Variants in PCDHGB2 observed in about 807,000 individuals in gnomAD.
PCDHGB2 encodes the protein protocadherin gamma-B2.
In PCDHGB2, 55 loss-of-function variants were observed where a neutral mutation model predicts 59.3. The observed-to-expected ratio is 0.93, with a 90% confidence interval of 0.75 to 1.16. The LOEUF (loss-of-function observed/expected upper bound fraction) is 1.16, where lower values mean the gene tolerates loss of function less well. PCDHGB2 is among the 50% of genes most tolerant of loss of function. PCDHGB2 has a pLI of 0.00. For missense variants in PCDHGB2, 1,228 were observed against 1,198.5 expected, an observed-to-expected ratio of 1.02 and a Z score of -0.36; for synonymous variants, 516 against 512.0, an observed-to-expected ratio of 1.01 and a Z score of -0.11.
At chr5:141,409,870 T>A (rs980871481) in intron 1 of PCDHGB2, 2 of 1,612,670 alleles carry the variant, frequency 1.2e-6, no homozygotes, top group Admixed American at 1.7e-5. Context: ...GAGACCGCAA[T>A]GACAACGCAC....
chr5:141,428,055 G>C (rs1232516220), intron 1 of PCDHGB2: 8 of 1,608,952 alleles, frequency 5.0e-6, no homozygotes, highest in African/African-American at 1.3e-5. Context: ...CAAGGTGGTG[G>C]CGGTGGACGC....
chr5:141,423,513 G>C, intron 1 of PCDHGB2: 3 of 1,613,750 alleles, frequency 1.9e-6, no homozygotes, highest in Non-Finnish European at 1.7e-6. Flanking sequence ...CTCTCATTGC[G>C]GACTCGCAGA....
chr5:141,443,307 C>A (rs1447607301), intron 1 of PCDHGB2, among the ~76,000 whole-genome samples: 1 of 136,584 alleles, frequency 7.3e-6, no homozygotes, highest in Non-Finnish European at 1.5e-5. Flanking sequence ...ATGGCAAAAA[C>A]CCATCTCTAC....
intron 1 of PCDHGB2, among the ~76,000 whole-genome samples, chr5:141,463,179 A>G (rs1261927835): frequency 6.6e-6 from 1 of 152,082 alleles, no homozygotes; most frequent in Non-Finnish European, 1.5e-5. Context: ...GTATGCTCAG[A>G]TTATTATTTA....
chr5:141,432,763 C>T lies in PCDHGB2; in HGVS notation c.2422-62044C>T. The T allele has an allele frequency of 6.2e-7, 1 of 1,614,152 alleles. No homozygotes were observed. The highest frequency in any genetic ancestry group is 8.5e-7 in the Non-Finnish European group (1 of 1,180,004). ...TCACCGTGGCCGTGGCCGACAGCAT[C>T]CCCCAAGTCCTGGCGGACCTCGGCA... On this transcript the variant is annotated intron_variant, in intron 1 of 3. Transcript: ENST00000522605. This position sits in a 1 kb window ranked among gnomAD's most constrained non-coding sequence, Gnocchi z 6.0.
chr5:141,376,975 C>T (rs1216034593), intron 1 of PCDHGB2: 1 of 157,554 alleles, frequency 6.3e-6, no homozygotes, highest in African/African-American at 2.4e-5. Flanking sequence ...GCGTGAGCCA[C>T]CGCGCCCGGC....
chr5:141,383,575 G>A (rs1229661535), intron 1 of PCDHGB2: 17 of 1,613,114 alleles, frequency 1.1e-5, no homozygotes, highest in Non-Finnish European at 1.4e-5. Context: ...ATCCAGCACC[G>A]CCCACATCCA....
chr5:141,405,744 C>T (rs2094711384), intron 1 of PCDHGB2, among the ~76,000 whole-genome samples: 1 of 152,192 alleles, frequency 6.6e-6, no homozygotes, highest in African/African-American at 2.4e-5. Flanking sequence ...TCCCAAAGCA[C>T]TGGGATTACA....
chr5:141,412,940 T>C, intron 1 of PCDHGB2: 1 of 463,218 alleles, frequency 2.2e-6, no homozygotes, highest in Non-Finnish European at 3.8e-6. Flanking sequence ...CTTAGGACTC[T>C]GAGCGCCGCT....
chr5:141,390,665 T>C, intron 1 of PCDHGB2: 1 of 192,900 alleles, frequency 5.2e-6, no homozygotes, highest in Non-Finnish European at 1.1e-5. Context: ...ACCATAAATA[T>C]AAAAATAATA....
chr5:141,388,662 A>G, intron 1 of PCDHGB2: 1 of 1,613,954 alleles, frequency 6.2e-7, no homozygotes, highest in African/African-American at 1.3e-5. Flanking sequence ...CCCGGGGACC[A>G]CGGTGCTACA....
intron 1 of PCDHGB2, among the ~76,000 whole-genome samples, chr5:141,452,019 C>T (rs1227308101): frequency 3.3e-5 from 5 of 152,194 alleles, no homozygotes; most frequent in African/African-American, 1.2e-4. Flanking sequence ...AGCCCACACT[C>T]TGGGGAGATG....
At chr5:141,410,746 C>T in intron 1 of PCDHGB2, 1 of 1,269,920 alleles carries the variant, frequency 7.9e-7, no homozygotes, top group Non-Finnish European at 1.1e-6. Flanking sequence ...ACAATATTTT[C>T]TCAATGTTTT....
chr5:141,375,676 G>A, intron 1 of PCDHGB2: 1 of 1,614,220 alleles, frequency 6.2e-7, no homozygotes, highest in Middle Eastern at 1.6e-4. Flanking sequence ...TACAGCTGTG[G>A]GTGACAGCCA....
intron 1 of PCDHGB2, chr5:141,384,987 G>C (rs775895766): frequency 6.2e-7 from 1 of 1,614,114 alleles, no homozygotes; most frequent in African/African-American, 1.3e-5. Context: ...TGGTGGTGGC[G>C]GTGGCCACAG....
At chr5:141,418,830 G>T (rs371820904) in intron 1 of PCDHGB2, 44 of 1,613,858 alleles carry the variant, frequency 2.7e-5, no homozygotes, top group Non-Finnish European at 3.6e-5. Flanking sequence ...GCAAAAGACC[G>T]AGGATCTCTC....
At chr5:141,371,323 A>C in intron 1 of PCDHGB2, 5 of 1,614,012 alleles carry the variant, frequency 3.1e-6, no homozygotes, top group Non-Finnish European at 4.2e-6. Flanking sequence ...CTGGACTTTG[A>C]AGAGAGAGAT....
At chr5:141,463,532 T>G (rs1237301892) in intron 1 of PCDHGB2, among the ~76,000 whole-genome samples, 1 of 133,692 alleles carries the variant, frequency 7.5e-6, no homozygotes, top group African/African-American at 2.8e-5. Flanking sequence ...TACTAGAAAC[T>G]CCGGCTCCCG....
At chr5:141,399,922 T>C in intron 1 of PCDHGB2, 1 of 1,612,334 alleles carries the variant, frequency 6.2e-7, no homozygotes, top group African/African-American at 1.3e-5. Flanking sequence ...ACACAACGCC[T>C]GGCTGTCCTA....
Sources: allele counts gnomAD v4.1 joint callset (sites outside exome capture counted in the v4.1 genomes callset), GRCh38; gene constraint gnomAD v4.1.1; non-coding constraint Gnocchi (gnomAD v3.1); transcripts MANE v1.5; gene names NCBI Gene and HGNC (gene_info 2026-07-23, HGNC 2026-07-21).